Variants in PDZRN3 observed in about 807,000 individuals in gnomAD.
The protein encoded by PDZRN3 is PDZ domain containing ring finger 3.
PDZRN3 carries 38 observed loss-of-function variants against 85.7 expected under a neutral mutation model. The observed-to-expected ratio is 0.44, with a 90% CI of 0.34 to 0.58. PDZRN3 has a LOEUF of 0.58. Among genes scored for constraint, PDZRN3 ranks in the 20% least tolerant of loss-of-function variants. The pLI is 0.01. For missense variants in PDZRN3, 1,629 were observed against 1,506.4 expected, an observed-to-expected ratio of 1.08 and a Z score of -1.35; for synonymous variants, 759 against 638.0, an observed-to-expected ratio of 1.19 and a Z score of -2.86.
chr3:73,576,713 T>C (rs185463085), intron 3 of PDZRN3, among the ~76,000 whole-genome samples: 71 of 152,312 alleles, frequency 4.7e-4, no homozygotes, highest in African/African-American at 1.6e-3. Context: ...ACTGCCTAAA[T>C]ACACTTGTTG....
chr3:73,575,299 T>A (rs959227872), intron 3 of PDZRN3, among the ~76,000 whole-genome samples: 6 of 152,154 alleles, frequency 3.9e-5, no homozygotes, highest in African/African-American at 1.4e-4. Flanking sequence ...CATCCTTGCA[T>A]GACCAACTCC....
chr3:73,482,326 C>A (rs898216464), intron 3 of PDZRN3, among the ~76,000 whole-genome samples: 1 of 152,154 alleles, frequency 6.6e-6, no homozygotes, highest in Admixed American at 6.5e-5. Context: ...ATGATATAAA[C>A]CCTGGGCCCA....
In PDZRN3 at chr3:73,391,132, C is replaced by T. The variant is rs778830526; in HGVS notation, c.1255-16G>A. 2 of 1,534,170 alleles carry T rather than the reference C, an allele frequency of 1.3e-6. No individual in the cohort carries two copies. Among genetic ancestry groups the T allele is most frequent in the South Asian group, 2.3e-5 (2 of 88,884 alleles). Reference sequence around the variant, plus strand: ...GGTCCACTTCCTAGACAAAGAAAGGCATTCCCAGTGAGACTCCAGCAGGCA... The same window carrying T: ...GGTCCACTTCCTAGACAAAGAAAGGTATTCCCAGTGAGACTCCAGCAGGCA... On this transcript the variant is annotated splice_polypyrimidine_tract_variant and intron_variant, in intron 5 of 9. Transcript: ENST00000263666.
intron 4 of PDZRN3, chr3:73,401,219 A>G (rs1406293835): frequency 2.0e-6 from 1 of 507,720 alleles, no homozygotes; most frequent in East Asian, 3.3e-5. Context: ...CTCCTGAAGG[A>G]CTTAAGATGC....
intron 1 of PDZRN3, among the ~76,000 whole-genome samples, chr3:73,616,337 A>G (rs1257680395): frequency 6.6e-6 from 1 of 151,510 alleles, no homozygotes; most frequent in East Asian, 1.9e-4. Flanking sequence ...AAGCAAGGCT[A>G]CTCATCTAAA....
Position 73,489,575 on chromosome 3 carries a change from C to CTTTTTTTTTTTTTTTTTTTTTTT in PDZRN3, c.919-85181_919-85180insAAAAAAAAAAAAAAAAAAAAAAA, listed in dbSNP as rs371602592. On this transcript the variant is annotated intron_variant, in intron 3 of 9. Transcript: ENST00000263666. ...GCCATGCATATGGGCAGTTTCTTTT[C>CTTTTTTTTTTTTTTTTTTTTTTT]TTTTTTTTTTTTTTTGAGATGGAGT... 3.9e-4 allele frequency among the ~76,000 whole-genome samples: 31 copies of CTTTTTTTTTTTTTTTTTTTTTTT among 80,110 alleles called. 4 individuals carry two copies. Among genetic ancestry groups the CTTTTTTTTTTTTTTTTTTTTTTT allele is most frequent in the African/African-American group, 4.8e-4 (10 of 20,784 alleles). 52.6% of individuals were successfully genotyped at this position (80,110 alleles called of 152,430 possible).
chr3:73,574,888 T>C (rs1702100928), intron 3 of PDZRN3, among the ~76,000 whole-genome samples: 1 of 152,216 alleles, frequency 6.6e-6, no homozygotes, highest in African/African-American at 2.4e-5. Context: ...AATCCCTTCA[T>C]TTACAGCACA....
intron 3 of PDZRN3, among the ~76,000 whole-genome samples, chr3:73,431,142 T>C (rs1702422799): frequency 6.6e-6 from 1 of 152,180 alleles, no homozygotes; most frequent in African/African-American, 2.4e-5. Context: ...AATGTCTTGG[T>C]GCATCTTTTA....
chr3:73,433,523 C>T, intron 3 of PDZRN3: 1 of 677,914 alleles, frequency 1.5e-6, no homozygotes, highest in Admixed American at 2.8e-5. Context: ...CTGCGTCTTT[C>T]AGAACACAAA....
At chr3:73,519,518 C>T (rs893330783) in intron 3 of PDZRN3, among the ~76,000 whole-genome samples, 3 of 152,248 alleles carry the variant, frequency 2.0e-5, no homozygotes, top group Admixed American at 2.0e-4. Flanking sequence ...TGTTTATGGG[C>T]TTCATGGAGA....
chr3:73,622,725 G>A (rs572434737), intron 1 of PDZRN3, among the ~76,000 whole-genome samples: 38 of 152,142 alleles, frequency 2.5e-4, no homozygotes, highest in Non-Finnish European at 5.3e-4. Flanking sequence ...ATCTGAGTCC[G>A]GCTCTGCTCC....
intron 3 of PDZRN3, among the ~76,000 whole-genome samples, chr3:73,405,083 T>C (rs964790606): frequency 6.6e-6 from 1 of 152,196 alleles, no homozygotes; most frequent in Admixed American, 6.5e-5. Context: ...TAAATGAAGA[T>C]ACCTCTCAAC....
intron 3 of PDZRN3, among the ~76,000 whole-genome samples, chr3:73,453,421 A>C (rs868134840): frequency 0.066 from 3,449 of 52,438 alleles, 121 homozygotes; most frequent in African/African-American, 0.17. Context: ...AAAAAAAAAA[A>C]AACAAAAAAA....
Position 73,608,514 on chromosome 3 carries a change from G to A in PDZRN3, c.810+84C>T, listed in dbSNP as rs1702636423. 52 of 872,714 alleles carry A rather than the reference G, an allele frequency of 6.0e-5. No homozygotes were observed. The South Asian group carries it at 7.1e-4, about 12-fold the overall frequency. 54.1% of individuals were successfully genotyped at this position (872,714 alleles called of 1,614,324 possible). On this transcript the variant is annotated intron_variant, in intron 2 of 9. Transcript: ENST00000263666. The stretch of plus-strand genomic sequence containing the variant: ...CAGAATGAAGTGAGCAAAGTTTCCT[G>A]CTCCTCACTGTCCCCTTCAAACCTT...
chr3:73,604,985 C>T (rs1305683517), intron 2 of PDZRN3, among the ~76,000 whole-genome samples: 1 of 152,098 alleles, frequency 6.6e-6, no homozygotes, highest in Non-Finnish European at 1.5e-5. Context: ...CTTTGGGAGG[C>T]CGAGGCTGGT....
At chr3:73,580,315 A>C (rs915264343) in intron 3 of PDZRN3, among the ~76,000 whole-genome samples, 1 of 152,242 alleles carries the variant, frequency 6.6e-6, no homozygotes, top group African/African-American at 2.4e-5. Flanking sequence ...ATGAAGATCC[A>C]TAACTTTCCT....
In PDZRN3 at chr3:73,383,869, C is replaced by A; in HGVS notation, c.2697G>T (p.Gln899His). 1 of 1,613,616 alleles carries A rather than the reference C, an allele frequency of 6.2e-7. No individual in the cohort carries two copies. Among genetic ancestry groups the A allele is most frequent in the Non-Finnish European group, 8.5e-7 (1 of 1,179,782 alleles). ...QKSAVEYAQSQMSLVSMCKDL... is the reference protein window; with the variant it reads ...QKSAVEYAQSHMSLVSMCKDL... ...CCTTGCACATGCTCACCAGGCTCATCTGGCTTTGCGCGTACTCCACGGCCG... is the reference window on the plus strand; with the variant it reads ...CCTTGCACATGCTCACCAGGCTCATATGGCTTTGCGCGTACTCCACGGCCG... Residue 899 changes from glutamine to histidine, a missense_variant, in exon 10 of 10, where the codon CAG (glutamine) becomes CAT (histidine). Coordinates refer to ENST00000263666, the MANE Select transcript of PDZRN3 (RefSeq NM_015009.3).
intron 3 of PDZRN3, among the ~76,000 whole-genome samples, chr3:73,589,757 C>A (rs967888813): frequency 1.3e-5 from 2 of 152,144 alleles, no homozygotes; most frequent in African/African-American, 4.8e-5. Flanking sequence ...AGACTATATA[C>A]AAAACAGCTT....
intron 3 of PDZRN3, among the ~76,000 whole-genome samples, chr3:73,489,441 CCT>C (rs1416771741): frequency 2.0e-5 from 3 of 152,072 alleles, no homozygotes; most frequent in African/African-American, 7.3e-5. Flanking sequence ...TGAAGAAAAC[CCT>C]CTTTCTCCAT....
Sources: allele counts gnomAD v4.1 joint callset (sites outside exome capture counted in the v4.1 genomes callset), GRCh38; gene constraint gnomAD v4.1.1; transcripts MANE v1.5; gene names NCBI Gene and HGNC (gene_info 2026-07-23, HGNC 2026-07-21).